Variants in CCBE1 observed in about 807,000 individuals in gnomAD.
CCBE1 encodes the protein collagen and calcium-binding EGF domain-containing protein 1.
In CCBE1, 37 loss-of-function variants were observed where a neutral mutation model predicts 50.0. The observed-to-expected ratio is 0.74, with a 90% CI of 0.57 to 0.97. The LOEUF (loss-of-function observed/expected upper bound fraction) is 0.97. Among genes scored for constraint, CCBE1 ranks in the 50% least tolerant of loss-of-function variants. CCBE1 has a pLI of 0.00. For synonymous variants in CCBE1, 234 were observed against 203.7 expected, an observed-to-expected ratio of 1.15 and a Z score of -1.27; for missense variants, 538 against 523.8, an observed-to-expected ratio of 1.03 and a Z score of -0.26.
At chr18:59,560,863 C>T (rs1305035632) in intron 2 of CCBE1, among the ~76,000 whole-genome samples, 1 of 152,206 alleles carries the variant, frequency 6.6e-6, no homozygotes, top group East Asian at 1.9e-4. Flanking sequence ...GGGGCACCTA[C>T]TTAGAGCAGT....
At chr18:59,627,078 T>G (rs2053794276) in intron 2 of CCBE1, among the ~76,000 whole-genome samples, 1 of 152,222 alleles carries the variant, frequency 6.6e-6, no homozygotes, top group Admixed American at 6.5e-5. Context: ...TTGAATACTC[T>G]TCATTTCATA....
At chr18:59,504,937 T>C (rs557459941) in intron 2 of CCBE1, among the ~76,000 whole-genome samples, 1 of 152,006 alleles carries the variant, frequency 6.6e-6, no homozygotes, top group African/African-American at 2.4e-5. Flanking sequence ...GACACTGCCA[T>C]GGGAGGCAAA....
At chr18:59,589,890 C>T (rs919155805) in intron 2 of CCBE1, among the ~76,000 whole-genome samples, 2 of 149,946 alleles carry the variant, frequency 1.3e-5, no homozygotes, top group African/African-American at 4.9e-5. Flanking sequence ...CAGTAGGAAA[C>T]GTATCAATAT....
In CCBE1 at chr18:59,435,938, G is replaced by A. The variant is rs1035478719; in HGVS notation, c.1191C>T (p.Asp397=). Residue 397 remains aspartate (D), a synonymous_variant, in exon 11 of 11, where the codon GAC becomes GAT. Coordinates refer to ENST00000439986, the MANE Select transcript of CCBE1 (RefSeq NM_133459.4). ...GGTAGAAGTCTCTGGGGGCTCTCAA[G>A]TCTCTTGTCTCAGTTCTTCTTGGAT... The part of the protein sequence containing the change: ...DDHPRRTETR[D]LRAPRDFYP 1.9e-6 allele frequency: 3 copies of A among 1,614,012 alleles called. No homozygotes were observed. The African/African-American group carries it at 4.0e-5, about 22-fold the overall frequency.
At chr18:59,663,214 A>C (rs1426808506) in intron 2 of CCBE1, among the ~76,000 whole-genome samples, 1 of 152,198 alleles carries the variant, frequency 6.6e-6, no homozygotes, top group Admixed American at 6.5e-5. Flanking sequence ...AAGCTTTCAT[A>C]AAAGCAATGC....
At chr18:59,601,010 GTTTTTTTTTTTTTTTTTTTT>G (rs71177045) in intron 2 of CCBE1, among the ~76,000 whole-genome samples, 16 of 58,012 alleles carry the variant, frequency 2.8e-4, no homozygotes, top group South Asian at 8.2e-4. Context: ...CTATGTGTCA[GTTTTTTTTTTTTTTTTTTTT>G]TTTTTTTTTT....
At chr18:59,649,012 G>A (rs2054092480) in intron 2 of CCBE1, among the ~76,000 whole-genome samples, 2 of 152,322 alleles carry the variant, frequency 1.3e-5, no homozygotes, top group East Asian at 3.9e-4. Flanking sequence ...CTAACTGCAG[G>A]CATTTAAACA....
chr18:59,471,723 T>C (rs191577339), intron 3 of CCBE1, among the ~76,000 whole-genome samples: 1 of 152,318 alleles, frequency 6.6e-6, no homozygotes, highest in East Asian at 1.9e-4. Flanking sequence ...CCTCTTCATT[T>C]CTGACAGTGA....
chr18:59,672,607 C>T (rs1229477223), intron 2 of CCBE1, among the ~76,000 whole-genome samples: 1 of 152,230 alleles, frequency 6.6e-6, no homozygotes, highest in Non-Finnish European at 1.5e-5. Flanking sequence ...CTCTCAGCTC[C>T]TCCAGTGCCA....
At chr18:59,610,479 T>C (rs1490194366) in intron 2 of CCBE1, among the ~76,000 whole-genome samples, 1 of 145,162 alleles carries the variant, frequency 6.9e-6, no homozygotes, top group Non-Finnish European at 1.5e-5. Flanking sequence ...GTTGCTAGAC[T>C]CTAGCCAGAG....
Position 59,447,992 on chromosome 18 carries a change from C to T in CCBE1, c.766G>A (p.Gly256Ser). The T allele has an allele frequency of 6.2e-7, 1 of 1,614,180 alleles. No individual in the cohort carries two copies. The highest frequency in any genetic ancestry group is 1.1e-5 in the South Asian group (1 of 91,084). The change falls in exon 7 of 11, where the codon GGC (glycine) becomes AGC (serine). Residue 256 changes from glycine to serine, a missense_variant. Coordinates refer to ENST00000439986, the MANE Select transcript of CCBE1 (RefSeq NM_133459.4). ...PGPPGLPGGQ[G>S]PPGSPGPKGS... ...CCTCTTCCACACTCACCGGGAGGGC[C>T]CTGGCCCCCAGGCAGGCCAGGAGGT...
At chr18:59,509,681 C>T (rs78404150) in intron 2 of CCBE1, among the ~76,000 whole-genome samples, 6,825 of 152,218 alleles carry the variant, frequency 0.045, 227 homozygotes, top group Non-Finnish European at 0.062. Context: ...AACTTCAGTG[C>T]CCGGTGGAAA....
chr18:59,484,412 T>C (rs758288370), intron 2 of CCBE1, among the ~76,000 whole-genome samples: 11 of 152,258 alleles, frequency 7.2e-5, no homozygotes, highest in Non-Finnish European at 1.3e-4. Context: ...CTCTGAGCTG[T>C]TTGATGGCGT....
chr18:59,691,687 A>G (rs1315724776), intron 2 of CCBE1, among the ~76,000 whole-genome samples: 1 of 152,184 alleles, frequency 6.6e-6, no homozygotes, highest in Non-Finnish European at 1.5e-5. Context: ...TACAGGCGTG[A>G]GCCACCGCGC....
chr18:59,657,465 C>T (rs577366415), intron 2 of CCBE1, among the ~76,000 whole-genome samples: 1 of 152,368 alleles, frequency 6.6e-6, no homozygotes, highest in South Asian at 2.1e-4. Context: ...TCTTTGCACA[C>T]AGTGCACCCA....
At chr18:59,439,497 G>A (rs563989824) in intron 9 of CCBE1, 46 bp downstream of exon 9, 35 of 1,611,018 alleles carry the variant, frequency 2.2e-5, no homozygotes, top group South Asian at 6.6e-5. Context: ...CAAAAAAATC[G>A]AAAGTGAGAG....
intron 2 of CCBE1, among the ~76,000 whole-genome samples, chr18:59,496,819 A>G (rs1233228388): frequency 1.3e-5 from 2 of 152,158 alleles, no homozygotes; most frequent in East Asian, 1.9e-4. Context: ...ATAAGCCTCT[A>G]TGTTCAAGAG....
chr18:59,660,077 C>T (rs2054261773), intron 2 of CCBE1, among the ~76,000 whole-genome samples: 1 of 152,172 alleles, frequency 6.6e-6, no homozygotes, highest in South Asian at 2.1e-4. Flanking sequence ...CTCAGGACCC[C>T]TGCATACAAT....
intron 2 of CCBE1, among the ~76,000 whole-genome samples, chr18:59,561,216 G>C (rs186799116): frequency 6.6e-6 from 1 of 152,160 alleles, no homozygotes; most frequent in Non-Finnish European, 1.5e-5. Flanking sequence ...GTATGTAATG[G>C]GCCTGTGTAC....
Sources: gnomAD v4.1 joint callset for allele counts (sites outside exome capture counted in the v4.1 genomes callset) on GRCh38, gnomAD v4.1.1 for gene constraint, MANE v1.5 for transcripts, NCBI Gene and HGNC (gene_info 2026-07-23, HGNC 2026-07-21) for gene names.